Variants in ACSM1 observed in about 807,000 individuals in gnomAD.
The protein encoded by ACSM1 is acyl-coenzyme A synthetase ACSM1, mitochondrial.
In ACSM1, 79 loss-of-function variants were observed where a neutral mutation model predicts 75.8. That is an observed-to-expected ratio of 1.04 (90% CI 0.87 to 1.26). The LOEUF is 1.26. Among genes scored for constraint, ACSM1 ranks in the 50% most tolerant of loss-of-function variants. ACSM1 has a pLI of 0.00. For synonymous variants in ACSM1, 279 were observed against 265.8 expected, an observed-to-expected ratio of 1.05 and a Z score of -0.48; for missense variants, 676 against 720.1, an observed-to-expected ratio of 0.94 and a Z score of 0.70.
At position 20,682,409 on chromosome 16, in the gene ACSM1, C is replaced by T. The variant is rs750213573; in HGVS notation, c.458G>A (p.Arg153Gln). 1.5e-5 allele frequency: 24 copies of T among 1,613,678 alleles called. No individual in the cohort carries two copies. Among genetic ancestry groups the T allele is most frequent in the African/African-American group, 5.3e-5 (4 of 74,862 alleles). Reference protein sequence around the residue: ...ILLKAKDILYRLQLSKAKGIV... With the variant: ...ILLKAKDILYQLQLSKAKGIV... ...GCCCTTGGCTTTAGACAACTGTAGTCGATAGAGAATGTCTTTGGCCTTCAA... is the reference window on the plus strand; with the variant it reads ...GCCCTTGGCTTTAGACAACTGTAGTTGATAGAGAATGTCTTTGGCCTTCAA... The change falls in exon 4 of 14, where the codon CGA (arginine) becomes CAA (glutamine). Residue 153 changes from arginine (R) to glutamine (Q), a missense_variant. Transcript: ENST00000520010.
At chr16:20,644,387 G>T (rs113931843) in intron 7 of ACSM1, among the ~76,000 whole-genome samples, 1 of 152,194 alleles carries the variant, frequency 6.6e-6, no homozygotes, top group Non-Finnish European at 1.5e-5. Flanking sequence ...TGAGGAAAAG[G>T]TGATTTAACA....
At chr16:20,631,277 A>G (rs1000255509) in intron 10 of ACSM1, among the ~76,000 whole-genome samples, 4 of 152,174 alleles carry the variant, frequency 2.6e-5, no homozygotes, top group Non-Finnish European at 5.9e-5. Context: ...TTTAAAGGGC[A>G]CTAATATCAC....
At chr16:20,691,289 C>A in intron 1 of ACSM1, 50 bp from the exon 2 acceptor site, 1 of 1,033,764 alleles carries the variant, frequency 9.7e-7, no homozygotes, top group Non-Finnish European at 1.4e-6. Flanking sequence ...AACTTTCTCC[C>A]TAAATTGGGT....
At chr16:20,630,098 C>A (rs1460227306) in intron 10 of ACSM1, among the ~76,000 whole-genome samples, 2 of 148,786 alleles carry the variant, frequency 1.3e-5, no homozygotes, top group Non-Finnish European at 3.0e-5. Context: ...GGTTGTTATA[C>A]TAATATCCGA....
chr16:20,658,277 C>A (rs1360218545), intron 7 of ACSM1, among the ~76,000 whole-genome samples: 6 of 152,148 alleles, frequency 3.9e-5, no homozygotes, highest in Admixed American at 6.5e-5. Flanking sequence ...CTGTTGTTTC[C>A]TGACTTTTTA....
intron 5 of ACSM1, among the ~76,000 whole-genome samples, chr16:20,671,074 C>G (rs2019867108): frequency 6.6e-6 from 1 of 152,120 alleles, no homozygotes; most frequent in Non-Finnish European, 1.5e-5. Flanking sequence ...ATTTTCTTCC[C>G]TAGAAGTGAA....
chr16:20,646,703 T>C (rs931922787), intron 7 of ACSM1, among the ~76,000 whole-genome samples: 1 of 152,186 alleles, frequency 6.6e-6, no homozygotes, highest in Admixed American at 6.5e-5. Flanking sequence ...GCAGGGGCCA[T>C]TATACACTAG....
At chr16:20,673,125 T>A (rs1186159524) in intron 4 of ACSM1, among the ~76,000 whole-genome samples, 1 of 147,932 alleles carries the variant, frequency 6.8e-6, no homozygotes, top group Non-Finnish European at 1.5e-5. Context: ...ATATATATTA[T>A]ATATAAAATT....
Position 20,624,138 on chromosome 16 carries a change from C to A in ACSM1, c.1605G>T (p.Gln535His). ...ATGGGGCTGTCACTGACTTGACATGCTGCTGCAGTTCCTTGGTCAGCTGAT... is the reference window on the plus strand; with the variant it reads ...ATGGGGCTGTCACTGACTTGACATGATGCTGCAGTTCCTTGGTCAGCTGAT... ...DKDQLTKELQ[Q>H]HVKSVTAPYK... Residue 535 changes from glutamine (Q) to histidine (H), a missense_variant, in exon 13 of 14, where the codon CAG becomes CAT. Physicochemically the swap from Gln to His is conservative, Grantham distance 24. Transcript: ENST00000520010. 6.2e-7 allele frequency: 1 copy of A among 1,613,382 alleles called. No individual in the cohort carries two copies. Among genetic ancestry groups the A allele is most frequent in the Non-Finnish European group, 8.5e-7 (1 of 1,179,474 alleles).
chr16:20,657,286 GTTTGTTTTTTTGGT>G (rs1279345382), intron 7 of ACSM1, among the ~76,000 whole-genome samples: 298 of 149,276 alleles, frequency 2.0e-3, no homozygotes, highest in African/African-American at 7.5e-3. Context: ...GTTTTTTTGG[GTTTGTTTTTTTGGT>G]TTTGTTTTTT....
intron 1 of ACSM1, among the ~76,000 whole-genome samples, chr16:20,692,602 T>C (rs2079664569): frequency 6.6e-6 from 1 of 152,218 alleles, no homozygotes; most frequent in Non-Finnish European, 1.5e-5. Context: ...GATTGTCTCC[T>C]GGATCTGGGA....
Position 20,624,135 on chromosome 16 carries a change from A to AT in ACSM1, c.1607dup (p.His536GlnfsTer30), listed in dbSNP as rs758044212. On this transcript the variant is annotated frameshift_variant, in exon 13 of 14. Transcript: ENST00000520010. LOFTEE classifies it high-confidence loss of function. ...TGTATGGGGCTGTCACTGACTTGAC[A>AT]TGCTGCTGCAGTTCCTTGGTCAGCT... 3.5e-4 allele frequency: 569 copies of AT among 1,613,464 alleles called. No homozygotes were observed. The highest frequency in any genetic ancestry group is 4.5e-4 in the Non-Finnish European group (528 of 1,179,528).
rs2019804148 is a variant in ACSM1 at position 20,669,950 on chromosome 16, G to A, written c.789C>T (p.Ser263=). 6.2e-7 allele frequency: 1 copy of A among 1,613,718 alleles called. No individual in the cohort carries two copies. The highest frequency in any genetic ancestry group is 8.5e-7 in the Non-Finnish European group (1 of 1,179,894). The part of the protein sequence containing the change: ...KLRSLKTSDV[S]WCLSDSGWIV... The stretch of plus-strand genomic sequence containing the variant: ...TCCATCCTGAGTCCGACAGGCACCA[G>A]GAGACATCAGATGTCTTCAGGCTCC... Residue 263 remains serine (S), a synonymous_variant, in exon 6 of 14, where the codon TCC becomes TCT. Coordinates refer to ENST00000520010, the MANE Select transcript of ACSM1 (RefSeq NM_001318890.3).
At chr16:20,674,462 C>G (rs1161507386) in intron 4 of ACSM1, 2 of 157,252 alleles carry the variant, frequency 1.3e-5, no homozygotes, top group Non-Finnish European at 2.8e-5. Flanking sequence ...CTCTCCACCC[C>G]CAAAATGCTT....
intron 7 of ACSM1, among the ~76,000 whole-genome samples, chr16:20,642,987 C>T (rs910152349): frequency 6.6e-6 from 1 of 152,296 alleles, no homozygotes; most frequent in East Asian, 1.9e-4. Context: ...TCAGTGTAAA[C>T]AAGGGCGTAA....
At chr16:20,650,404 A>AC (rs2018583438) in intron 7 of ACSM1, among the ~76,000 whole-genome samples, 1 of 151,250 alleles carries the variant, frequency 6.6e-6, no homozygotes, top group Admixed American at 6.6e-5. Flanking sequence ...TGGGAGCTTG[A>AC]CCCCCCACAA....
chr16:20,682,522 A>T (rs1400055166), intron 3 of ACSM1, 59 bp from the exon 4 acceptor site: 1 of 1,437,422 alleles, frequency 7.0e-7, no homozygotes, highest in African/African-American at 1.4e-5. Flanking sequence ...TGGGCTTTAG[A>T]CTTGGCTTGT....
intron 10 of ACSM1, among the ~76,000 whole-genome samples, chr16:20,632,974 A>T (rs1462573823): frequency 1.3e-5 from 2 of 152,190 alleles, no homozygotes; most frequent in Non-Finnish European, 2.9e-5. Flanking sequence ...AAAACTCAAT[A>T]CCCTTTCATG....
chr16:20,647,407 A>T (rs2018426859), intron 7 of ACSM1, among the ~76,000 whole-genome samples: 1 of 152,280 alleles, frequency 6.6e-6, no homozygotes, highest in Admixed American at 6.5e-5. Flanking sequence ...AATACAAGAG[A>T]CCCTAATAGT....
Sources: gnomAD v4.1 joint callset for allele counts (sites outside exome capture counted in the v4.1 genomes callset) on GRCh38, gnomAD v4.1.1 for gene constraint, MANE v1.5 for transcripts, NCBI Gene and HGNC (gene_info 2026-07-23, HGNC 2026-07-21) for gene names.